The following FTO variants were observed in gnomAD, a reference collection of about 807,000 sequenced individuals.
FTO encodes FTO alpha-ketoglutarate dependent dioxygenase.
In FTO, 47 loss-of-function variants were observed where a neutral mutation model predicts 63.9. The observed-to-expected ratio is 0.74, with a 90% confidence interval of 0.58 to 0.94. The LOEUF (loss-of-function observed/expected upper bound fraction) is 0.94. Among genes scored for constraint, FTO ranks in the 40% least tolerant of loss-of-function variants. FTO has a pLI of 0.00. For missense variants in FTO, 562 were observed against 618.1 expected (o/e 0.91, Z 0.96); for synonymous variants, 207 against 224.4 (o/e 0.92, Z 0.69).
intron 6 of FTO, among the ~76,000 whole-genome samples, chr16:53,886,754 C>T (rs1558755): frequency 0.66 from 99,906 of 152,084 alleles, 33,827 homozygotes; most frequent in East Asian, 0.91. Context: ...TGAGCCATTT[C>T]CACCATCGTT....
intron 8 of FTO, among the ~76,000 whole-genome samples, chr16:54,048,714 C>T (rs745470434): frequency 3.3e-5 from 5 of 152,186 alleles, no homozygotes; most frequent in Non-Finnish European, 5.9e-5. Context: ...ATTATTCCAG[C>T]AGCCGTAGAG....
At chr16:53,747,551 A>C (rs1202247053) in intron 1 of FTO, among the ~76,000 whole-genome samples, 1 of 151,984 alleles carries the variant, frequency 6.6e-6, no homozygotes, top group Non-Finnish European at 1.5e-5. Context: ...TTTAATGTAG[A>C]GGTATTTGAG....
intron 1 of FTO, 82 bp from the exon 2 acceptor site, chr16:53,810,058 A>G (rs182695082): frequency 6.5e-5 from 60 of 918,346 alleles, no homozygotes; most frequent in Middle Eastern, 5.8e-4. Flanking sequence ...ATTTGTTTGT[A>G]TTCTCTTATT....
chr16:53,878,657 G>A (rs867492879), intron 5 of FTO, among the ~76,000 whole-genome samples: 3 of 152,148 alleles, frequency 2.0e-5, no homozygotes, highest in South Asian at 2.1e-4. Flanking sequence ...GGACTGAAGG[G>A]TATTTATAGC....
intron 8 of FTO, among the ~76,000 whole-genome samples, chr16:53,950,681 G>A (rs2082774280): frequency 6.6e-6 from 1 of 152,212 alleles, no homozygotes; most frequent in South Asian, 2.1e-4. Context: ...GTAACTTACA[G>A]CTTGCATTAA....
At position 54,111,765 on chromosome 16, in the gene FTO, C is replaced by T. The variant is rs1333596595; in HGVS notation, c.1368C>T (p.Cys456=). Residue 456 remains cysteine (C), a synonymous_variant, in exon 9 of 9, where the codon TGC becomes TGT. Coordinates refer to ENST00000471389, the MANE Select transcript of FTO (RefSeq NM_001080432.3). Reference sequence around the variant, plus strand: ...TTTCCTATTTTTACTCTTCCAGGTGCCAGTCACGAATTGCCCGAACATTAC... The same window carrying T: ...TTTCCTATTTTTACTCTTCCAGGTGTCAGTCACGAATTGCCCGAACATTAC... The part of the protein sequence containing the change: ...QNLRREWHAR[C]QSRIARTLPA... 5 of 1,613,966 alleles carry T rather than the reference C, an allele frequency of 3.1e-6. No individual in the cohort carries two copies. Among genetic ancestry groups the T allele is most frequent in the Non-Finnish European group, 4.2e-6 (5 of 1,180,014 alleles).
chr16:53,804,632 C>CTTTT (rs10602540), intron 1 of FTO, among the ~76,000 whole-genome samples: 14 of 130,140 alleles, frequency 1.1e-4, no homozygotes, highest in Non-Finnish European at 1.3e-4. Context: ...TCTTATTGAT[C>CTTTT]TTTTTTTTTT....
At chr16:54,022,347 A>G (rs1483264233) in intron 8 of FTO, among the ~76,000 whole-genome samples, 1 of 152,172 alleles carries the variant, frequency 6.6e-6, no homozygotes, top group East Asian at 1.9e-4. Flanking sequence ...CGACTTGCCC[A>G]GCTCTGAAGA....
intron 2 of FTO, among the ~76,000 whole-genome samples, chr16:53,813,846 G>A (rs1460113193): frequency 6.6e-6 from 1 of 152,170 alleles, no homozygotes; most frequent in Non-Finnish European, 1.5e-5. Context: ...CTTCAGGCTT[G>A]AGGTACTTGA....
intron 8 of FTO, among the ~76,000 whole-genome samples, chr16:54,057,806 G>A (rs932367397): frequency 6.6e-6 from 1 of 152,164 alleles, no homozygotes; most frequent in African/African-American, 2.4e-5. Context: ...GTTGGTAGAT[G>A]TGAGTCATAC....
At chr16:53,812,388 A>G (rs998795850) in intron 2 of FTO, among the ~76,000 whole-genome samples, 2 of 151,528 alleles carry the variant, frequency 1.3e-5, no homozygotes, top group African/African-American at 4.9e-5. Context: ...GCATCTGGCT[A>G]ATTTTTATAT....
rs869204000 is a variant in FTO at position 53,931,298 on chromosome 16, C to CTTTT, written c.1240-2665_1240-2662dup. 8.8e-5 allele frequency among the ~76,000 whole-genome samples: 9 copies of CTTTT among 101,962 alleles called. No individual in the cohort carries two copies. The South Asian group carries it at 1.3e-3, about 15-fold the overall frequency. 66.9% of individuals were successfully genotyped at this position (101,962 alleles called of 152,430 possible). A position where few individuals can be genotyped will look rare whatever the true frequency, so the allele number is the denominator to read the frequency against. ...ACAGATATAACCACAAACTATGTGACTTTTTTTTTTTTTTTTTTTTTTTTT... is the reference window on the plus strand; with the variant it reads ...ACAGATATAACCACAAACTATGTGACTTTTTTTTTTTTTTTTTTTTTTTTTTTTT... On this transcript the variant is annotated intron_variant, in intron 7 of 8. Transcript: ENST00000471389.
At chr16:53,924,246 C>T (rs1347554076) in intron 7 of FTO, among the ~76,000 whole-genome samples, 5 of 152,118 alleles carry the variant, frequency 3.3e-5, no homozygotes, top group East Asian at 3.9e-4. Context: ...TTCACGAGTT[C>T]GGTGCTATTA....
At chr16:53,733,482 A>G (rs2076318889) in intron 1 of FTO, among the ~76,000 whole-genome samples, 2 of 152,210 alleles carry the variant, frequency 1.3e-5, no homozygotes, top group East Asian at 3.9e-4. Flanking sequence ...CTCTGAGGAG[A>G]TATCAACACG....
At chr16:53,861,536 T>G in intron 4 of FTO, among the ~76,000 whole-genome samples, 1 of 152,206 alleles carries the variant, frequency 6.6e-6, no homozygotes, top group African/African-American at 2.4e-5. Context: ...TAACATTTAC[T>G]TTATCCCTTC....
rs117880569 is a variant in FTO at position 53,982,235 on chromosome 16, G to A, written c.1364+48126G>A. On this transcript the variant is annotated intron_variant, in intron 8 of 8. Coordinates refer to ENST00000471389, the MANE Select transcript of FTO (RefSeq NM_001080432.3). Reference sequence around the variant, plus strand: ...TCTTCTCAACCTTATTGAGGATGAAGGTGAAGGGTTGTACCCTTACAATAG... The same window carrying A: ...TCTTCTCAACCTTATTGAGGATGAAAGTGAAGGGTTGTACCCTTACAATAG... Among the ~76,000 whole-genome samples the A allele has an allele frequency of 2.4e-3, 369 of 152,298 alleles. 11 individuals carry two copies. In the East Asian group the frequency reaches 0.055, roughly 23 times the overall value.
chr16:53,775,229 C>T (rs2077433962), intron 1 of FTO, among the ~76,000 whole-genome samples: 1 of 152,056 alleles, frequency 6.6e-6, no homozygotes, highest in Admixed American at 6.6e-5. Flanking sequence ...ATTTTCTGTC[C>T]AGCACAGCAA....
intron 8 of FTO, among the ~76,000 whole-genome samples, chr16:54,008,843 AT>A (rs1200616873): frequency 6.8e-5 from 4 of 58,510 alleles, no homozygotes; most frequent in Admixed American, 1.8e-4. Context: ...AATAATAATA[AT>A]AATAATAATA....
chr16:53,982,300 G>A (rs1032575770), intron 8 of FTO, among the ~76,000 whole-genome samples: 1 of 152,118 alleles, frequency 6.6e-6, no homozygotes, highest in Non-Finnish European at 1.5e-5. Flanking sequence ...TCTTTTGTCT[G>A]CCCATGTTTG....
Sources: gnomAD v4.1 joint callset for allele counts (sites outside exome capture counted in the v4.1 genomes callset) on GRCh38, gnomAD v4.1.1 for gene constraint, MANE v1.5 for transcripts, NCBI Gene and HGNC (gene_info 2026-07-23, HGNC 2026-07-21) for gene names.